PDE10A: variants seen among roughly 807,000 people sequenced by gnomAD.
The protein encoded by PDE10A is phosphodiesterase 10A, also known as cAMP and cAMP-inhibited cGMP 3',5'-cyclic phosphodiesterase 10A.
Under a neutral mutation model 97.7 loss-of-function variants are expected in PDE10A, and 39 were observed. That is an observed-to-expected ratio of 0.40 (90% confidence interval 0.31 to 0.52). The LOEUF (loss-of-function observed/expected upper bound fraction) is 0.52, where lower values mean the gene tolerates loss of function less well. Ranked by LOEUF, PDE10A falls within the 20% of genes least tolerant of loss-of-function variation. The probability of loss-of-function intolerance (pLI) is 0.56; values close to 1 mark genes in which losing one functional copy is unlikely to be tolerated. For synonymous variants in PDE10A, 371 were observed against 376.8 expected, an observed-to-expected ratio of 0.98 and a Z score of 0.18; for missense variants, 731 against 1,047.8, an observed-to-expected ratio of 0.70 and a Z score of 4.17.
At chr6:165,670,667 T>G (rs1790623390) in intron 1 of PDE10A, among the ~76,000 whole-genome samples, 1 of 152,236 alleles carries the variant, frequency 6.6e-6, no homozygotes, top group Non-Finnish European at 1.5e-5. Flanking sequence ...GAATACTTCC[T>G]ATAAATGCCT....
chr6:165,914,656 C>T (rs191910771), intron 1 of PDE10A, among the ~76,000 whole-genome samples: 9 of 152,290 alleles, frequency 5.9e-5, no homozygotes, highest in South Asian at 2.1e-4. Flanking sequence ...GAACCATCCT[C>T]GGGCAGTTCT....
At chr6:165,533,335 T>C (rs1375523675) in intron 2 of PDE10A, among the ~76,000 whole-genome samples, 1 of 152,148 alleles carries the variant, frequency 6.6e-6, no homozygotes, top group African/African-American at 2.4e-5. Flanking sequence ...CAAACCTAGA[T>C]GGTATAGCCT....
At chr6:165,623,249 CCGAGTAGCTG>C (rs144965998) in intron 1 of PDE10A, among the ~76,000 whole-genome samples, 1,741 of 152,314 alleles carry the variant, frequency 0.011, 38 homozygotes, top group African/African-American at 0.04. Context: ...CCTCAGCCTC[CCGAGTAGCTG>C]GGATTACAGG....
At chr6:165,607,529 T>G (rs904319308) in intron 1 of PDE10A, among the ~76,000 whole-genome samples, 4 of 152,126 alleles carry the variant, frequency 2.6e-5, no homozygotes, top group African/African-American at 9.7e-5. Flanking sequence ...CTGTACCATC[T>G]AGGTTTGTTA....
intron 1 of PDE10A, among the ~76,000 whole-genome samples, chr6:165,844,741 G>A (rs1456856005): frequency 6.6e-6 from 1 of 152,102 alleles, no homozygotes; most frequent in Non-Finnish European, 1.5e-5. Flanking sequence ...AATTTAAGGA[G>A]GTTGAAAAGA....
intron 1 of PDE10A, among the ~76,000 whole-genome samples, chr6:165,896,086 T>A (rs1402759890): frequency 2.0e-5 from 3 of 152,128 alleles, no homozygotes; most frequent in Non-Finnish European, 4.4e-5. Context: ...CGGGCCGTGG[T>A]GAGAACAGGA....
chr6:165,590,706 A>G (rs1426126561), intron 1 of PDE10A, among the ~76,000 whole-genome samples: 2 of 152,084 alleles, frequency 1.3e-5, no homozygotes, highest in Non-Finnish European at 2.9e-5. Flanking sequence ...CCTGGCTAAC[A>G]CGGTGAAACC....
intron 18 of PDE10A, among the ~76,000 whole-genome samples, chr6:165,362,699 C>T (rs1349169234): frequency 3.3e-5 from 5 of 152,134 alleles, no homozygotes; most frequent in African/African-American, 1.2e-4. Context: ...GGAGGGAATA[C>T]TTCCCAGCTA....
intron 1 of PDE10A, among the ~76,000 whole-genome samples, chr6:165,971,701 A>T (rs1784681486): frequency 1.3e-5 from 2 of 152,228 alleles, no homozygotes; most frequent in Admixed American, 6.5e-5. Context: ...TCAAAAGAGA[A>T]TGCAAAAGTT....
At chr6:165,520,576 T>C (rs547092904) in intron 2 of PDE10A, among the ~76,000 whole-genome samples, 3 of 152,130 alleles carry the variant, frequency 2.0e-5, no homozygotes, top group Non-Finnish European at 2.9e-5. Context: ...ATTTTTCAGA[T>C]CAAGCACTAA....
intron 1 of PDE10A, among the ~76,000 whole-genome samples, chr6:165,748,808 TTG>T (rs71029562): frequency 1.7e-3 from 250 of 147,336 alleles, no homozygotes; most frequent in Middle Eastern, 3.5e-3. Context: ...AGAAAGAAGT[TTG>T]TGTGTGTGTG....
intron 2 of PDE10A, among the ~76,000 whole-genome samples, chr6:165,494,347 T>C (rs998694169): frequency 6.6e-6 from 1 of 151,538 alleles, no homozygotes; most frequent in African/African-American, 2.4e-5. Context: ...GAGGTCATTA[T>C]AGAAAAAAGA....
intron 1 of PDE10A, among the ~76,000 whole-genome samples, chr6:165,857,919 G>A (rs1780793897): frequency 6.6e-6 from 1 of 152,118 alleles, no homozygotes; most frequent in Non-Finnish European, 1.5e-5. Context: ...AACTAGGGTT[G>A]GCATTGCCAA....
At chr6:165,578,846 A>G (rs1277344287) in intron 1 of PDE10A, among the ~76,000 whole-genome samples, 1 of 152,194 alleles carries the variant, frequency 6.6e-6, no homozygotes, top group Non-Finnish European at 1.5e-5. Context: ...GGGAAGACCG[A>G]CCACAAACAG....
rs189522609 is a variant in PDE10A, at chr6:165,494,703, T to A, written c.995-12360A>T. Reference sequence around the variant, plus strand: ...TACTGAGAATGCATTTTGAACAATTTCTACTTTAATTGACTGATAATTTCC... The same window carrying A: ...TACTGAGAATGCATTTTGAACAATTACTACTTTAATTGACTGATAATTTCC... On this transcript the variant is annotated intron_variant, in intron 2 of 21. Coordinates refer to ENST00000539869, the MANE Select transcript of PDE10A (RefSeq NM_001385079.1). Among the ~76,000 whole-genome samples the A allele has an allele frequency of 4.6e-3, 695 of 152,204 alleles. 6 individuals carry two copies. The highest frequency in any genetic ancestry group is 7.9e-3 in the South Asian group (38 of 4,828).
chr6:165,509,256 T>C (rs1021805373), intron 2 of PDE10A, among the ~76,000 whole-genome samples: 2 of 152,016 alleles, frequency 1.3e-5, no homozygotes, highest in African/African-American at 2.4e-5. Flanking sequence ...GTGTTTGTAA[T>C]ATTTCAAGTC....
At chr6:165,731,364 T>G (rs3008006) in intron 1 of PDE10A, among the ~76,000 whole-genome samples, 4 of 151,950 alleles carry the variant, frequency 2.6e-5, no homozygotes, top group Non-Finnish European at 5.9e-5. Flanking sequence ...GGGCAGGTTC[T>G]GGGCGGCCTG....
At chr6:165,920,427 A>G (rs1434429127) in intron 1 of PDE10A, among the ~76,000 whole-genome samples, 1 of 152,222 alleles carries the variant, frequency 6.6e-6, no homozygotes, top group Non-Finnish European at 1.5e-5. Flanking sequence ...ATCTGGAGAC[A>G]GAAATAGGTT....
At chr6:165,561,792 G>T (rs1784536336) in intron 1 of PDE10A, among the ~76,000 whole-genome samples, 2 of 152,118 alleles carry the variant, frequency 1.3e-5, no homozygotes, top group African/African-American at 4.8e-5. Flanking sequence ...AAGATTTGAA[G>T]ACTCATTGCT....
Sources: gnomAD v4.1 joint callset for allele counts (sites outside exome capture counted in the v4.1 genomes callset) on GRCh38, gnomAD v4.1.1 for gene constraint, MANE v1.5 for transcripts, NCBI Gene and HGNC (gene_info 2026-07-23, HGNC 2026-07-21) for gene names.